The following SERINC1 variants were observed in gnomAD, a reference collection of about 807,000 sequenced individuals.
SERINC1 encodes serine incorporator 1.
SERINC1 carries 38 observed loss-of-function variants against 52.9 expected under a neutral mutation model. That is an observed-to-expected ratio of 0.72 (90% confidence interval 0.55 to 0.94). The LOEUF (loss-of-function observed/expected upper bound fraction) is 0.94. SERINC1 is among the 40% of genes least tolerant of loss of function. The pLI, the probability that SERINC1 is intolerant of heterozygous loss-of-function variation, is 0.00. For missense variants in SERINC1, 471 were observed against 533.9 expected (o/e 0.88, Z 1.16); for synonymous variants, 198 against 183.1 (o/e 1.08, Z -0.66).
chr6:122,457,745 T>C (rs954404815), intron 2 of SERINC1, among the ~76,000 whole-genome samples: 1 of 152,004 alleles, frequency 6.6e-6, no homozygotes, highest in African/African-American at 2.4e-5. Context: ...ATTTTTGTTG[T>C]CTTAAGCCAC....
chr6:122,445,095 A>C lies in SERINC1; in HGVS notation c.1311T>G (p.Tyr437Ter). 1 of 1,614,136 alleles carries C rather than the reference A, an allele frequency of 6.2e-7. No homozygotes were observed. Among genetic ancestry groups the C allele is most frequent in the Non-Finnish European group, 8.5e-7 (1 of 1,179,980 alleles). Residue 437 changes from tyrosine (Y) to a stop codon, truncating the protein, a stop_gained, in exon 10 of 10, where the codon TAT (tyrosine) becomes TAG (stop). Transcript: ENST00000339697. LOFTEE classifies it high-confidence loss of function. The part of the protein sequence containing the change: ...ISSSWIGIVL[Y>*]VWTLVAPLVL... ...CAAGTGGTGCCACGAGTGTCCAAAC[A>C]TACAGCACGATGCCAATCCAACTGG...
At chr6:122,471,626 C>G (rs1202544744) in intron 1 of SERINC1, 73 bp downstream of exon 1, 5 of 1,597,700 alleles carry the variant, frequency 3.1e-6, no homozygotes, top group Middle Eastern at 1.7e-4. Flanking sequence ...CCGGGCTCAC[C>G]CAGCCCCGGC....
chr6:122,454,971 C>T (rs1774971879), intron 3 of SERINC1, among the ~76,000 whole-genome samples: 1 of 152,128 alleles, frequency 6.6e-6, no homozygotes, highest in South Asian at 2.1e-4. Context: ...TATCATGTGA[C>T]ATAAGATTTA....
chr6:122,453,765 C>T lies in SERINC1; in HGVS notation c.589+5G>A. 6.3e-7 allele frequency: 1 copy of T among 1,594,352 alleles called. No homozygotes were observed. The highest frequency in any genetic ancestry group is 8.6e-7 in the Non-Finnish European group (1 of 1,167,104). ...TACTGAAGTTGTTCTGCGACGAAAG[C>T]TTACCTGCATACCAACATCTCGAGT... On this transcript the variant is annotated splice_donor_5th_base_variant and intron_variant, in intron 5 of 9. Transcript: ENST00000339697.
chr6:122,454,046 A>C, intron 4 of SERINC1, 105 bp downstream of exon 4: 1 of 1,127,202 alleles, frequency 8.9e-7, no homozygotes, highest in Non-Finnish European at 1.3e-6. Flanking sequence ...ACACACACAC[A>C]CACACCCCCA....
In SERINC1 at chr6:122,458,571, T is replaced by A; in HGVS notation, c.150A>T (p.Val50=). The A allele has an allele frequency of 6.2e-7, 1 of 1,613,414 alleles. No homozygotes were observed. The highest frequency in any genetic ancestry group is 8.5e-7 in the Non-Finnish European group (1 of 1,179,438). The stretch of plus-strand genomic sequence containing the variant: ...GTATCAACATTACACAAGCTACACA[T>A]ACTCCAACAAGCAAGAAAAGTGCAT... ...LIYALFLLVG[V]CVACVMLIPG... is the part of the protein sequence containing the mutation. Residue 50 remains valine, a synonymous_variant, in exon 2 of 10, where the codon GTA becomes GTT. Coordinates refer to ENST00000339697, the MANE Select transcript of SERINC1 (RefSeq NM_020755.4).
At chr6:122,471,407 G>A (rs1040317169) in intron 1 of SERINC1, among the ~76,000 whole-genome samples, 1 of 150,450 alleles carries the variant, frequency 6.6e-6, no homozygotes, top group Admixed American at 6.9e-5. Context: ...ATGGGAGACA[G>A]CGTTCACGAA....
intron 3 of SERINC1, 113 bp from the exon 4 acceptor site, chr6:122,454,343 ACTT>A: frequency 1.6e-6 from 1 of 626,930 alleles, no homozygotes; most frequent in Non-Finnish European, 2.8e-6. Context: ...TGAATGTTCT[ACTT>A]CTTTCTGAGG....
rs1582634662 is a variant in SERINC1 at position 122,458,467 on chromosome 6, T to C, written c.201+53A>G. ...TATCCCCGAATCAATTTTATACATA[T>C]ACATATATACCCTATAGCCTCAGTT... On this transcript the variant is annotated intron_variant, in intron 2 of 9. Coordinates refer to ENST00000339697, the MANE Select transcript of SERINC1 (RefSeq NM_020755.4). 16 of 1,233,390 alleles carry C rather than the reference T, an allele frequency of 1.3e-5. No individual in the cohort carries two copies. The East Asian group carries it at 3.3e-4, about 25-fold the overall frequency. The allele number at this position is 1,233,390 out of a possible 1,614,324, so 76.4% of individuals were successfully genotyped here. A position where few individuals can be genotyped will look rare whatever the true frequency, so the allele number is the denominator to read the frequency against.
chr6:122,452,384 A>C (rs914906412), intron 5 of SERINC1, among the ~76,000 whole-genome samples: 2 of 152,210 alleles, frequency 1.3e-5, no homozygotes, highest in African/African-American at 4.8e-5. Flanking sequence ...AATAAAGAAA[A>C]ATAACTATAA....
intron 9 of SERINC1, 89 bp from the exon 10 acceptor site, chr6:122,445,268 G>A: frequency 7.9e-7 from 1 of 1,272,854 alleles, no homozygotes; most frequent in Non-Finnish European, 1.1e-6. Flanking sequence ...TCAGAAGCGT[G>A]CTTTGTATAC....
chr6:122,462,548 G>C (rs1205626206), intron 1 of SERINC1, among the ~76,000 whole-genome samples: 2 of 152,060 alleles, frequency 1.3e-5, no homozygotes, highest in Non-Finnish European at 2.9e-5. Flanking sequence ...TTTGAGCCTA[G>C]GAGTTCAAGG....
At chr6:122,454,725 T>C (rs541057247) in intron 3 of SERINC1, 7 of 152,740 alleles carry the variant, frequency 4.6e-5, no homozygotes, top group Non-Finnish European at 8.8e-5. Context: ...ATGGAGATCA[T>C]TGGGTCACTC....
chr6:122,454,050 A>T, intron 4 of SERINC1, 101 bp downstream of exon 4: 2 of 1,032,954 alleles, frequency 1.9e-6, no homozygotes, highest in Admixed American at 2.7e-5. Context: ...ACACACACAC[A>T]CCCCCAAACA....
chr6:122,455,066 T>C (rs1000075403), intron 3 of SERINC1, among the ~76,000 whole-genome samples: 6 of 152,278 alleles, frequency 3.9e-5, no homozygotes, highest in Admixed American at 3.3e-4. Flanking sequence ...AGTTGTAAGG[T>C]TAGTTGTATG....
At chr6:122,447,345 C>T in intron 7 of SERINC1, 80 bp from the exon 8 acceptor site, 2 of 1,005,720 alleles carry the variant, frequency 2.0e-6, no homozygotes, top group Non-Finnish European at 3.0e-6. Context: ...ATTTTTAACT[C>T]TCTATACCCC....
intron 3 of SERINC1, 95 bp downstream of exon 3, chr6:122,456,386 A>C (rs1410917091): frequency 4.2e-6 from 3 of 717,884 alleles, no homozygotes; most frequent in Non-Finnish European, 4.2e-6. Flanking sequence ...CAAATTGTAT[A>C]AGTTTATTTT....
chr6:122,454,852 C>T (rs980915920), intron 3 of SERINC1, among the ~76,000 whole-genome samples: 3 of 152,150 alleles, frequency 2.0e-5, no homozygotes, highest in South Asian at 2.1e-4. Context: ...GCTGCAGAAA[C>T]GAGGGCTGTA....
intron 1 of SERINC1, among the ~76,000 whole-genome samples, chr6:122,469,642 C>T (rs561235818): frequency 1.2e-4 from 19 of 152,194 alleles, no homozygotes; most frequent in African/African-American, 4.6e-4. Flanking sequence ...CTGCAACCTC[C>T]GTCTCCCAGT....
Sources: allele counts gnomAD v4.1 joint callset (sites outside exome capture counted in the v4.1 genomes callset), GRCh38; gene constraint gnomAD v4.1.1; transcripts MANE v1.5; gene names NCBI Gene and HGNC (gene_info 2026-07-23, HGNC 2026-07-21).